DDX60: variants seen among roughly 807,000 people sequenced by gnomAD.
The protein encoded by DDX60 is DExD/H-box helicase 60, also known as probable ATP-dependent RNA helicase DDX60.
A neutral mutation model predicts 212.8 loss-of-function variants in DDX60; 165 were observed. The ratio of observed to expected loss-of-function variants is 0.78; its 90% CI spans 0.68 to 0.88. DDX60 has a LOEUF of 0.88. Among genes scored for constraint, DDX60 ranks in the 40% least tolerant of loss-of-function variants. The pLI is 0.00. For synonymous variants in DDX60, 703 were observed against 685.3 expected, an observed-to-expected ratio of 1.03 and a Z score of -0.40; for missense variants, 1,905 against 2,003.9, an observed-to-expected ratio of 0.95 and a Z score of 0.94.
intron 6 of DDX60, among the ~76,000 whole-genome samples, chr4:168,301,013 T>C (rs1357232499): frequency 1.3e-5 from 2 of 152,072 alleles, no homozygotes. Context: ...GGGTGATGGG[T>C]ACACTAGAAA....
intron 33 of DDX60, among the ~76,000 whole-genome samples, chr4:168,226,481 C>G (rs1035375007): frequency 2.0e-5 from 3 of 151,930 alleles, no homozygotes; most frequent in African/African-American, 7.2e-5. Flanking sequence ...CAAAAAGCAG[C>G]CCCCACCAGA....
At chr4:168,246,723 T>C (rs1734036530) in intron 29 of DDX60, 105 bp from the exon 30 acceptor site, 5 of 1,195,068 alleles carry the variant, frequency 4.2e-6, no homozygotes, top group Non-Finnish European at 6.0e-6. Context: ...AAATTGTGCA[T>C]ATGTCTAACC....
chr4:168,236,500 G>T, intron 32 of DDX60, 127 bp from the exon 33 acceptor site: 1 of 790,132 alleles, frequency 1.3e-6, no homozygotes, highest in Non-Finnish European at 1.9e-6. Flanking sequence ...CATAGCAATT[G>T]AAGAATTACC....
Position 168,308,107 on chromosome 4 carries a change from A to C in DDX60, c.163T>G (p.Ser55Ala). ...TGGAGGTTCTGCCCAGGCTTAAATG[A>C]TATCTCACAGATACATGTGATAAGT... ...SLLITCICEI[S>A]FKPGQNLHFF... Residue 55 changes from serine to alanine, a missense_variant, in exon 4 of 38, where the codon TCA becomes GCA. By Grantham distance (99) the Ser-to-Ala change is moderately conservative. Transcript: ENST00000393743. 2 of 1,610,668 alleles carry C rather than the reference A, an allele frequency of 1.2e-6. No individual in the cohort carries two copies. The highest frequency in any genetic ancestry group is 1.7e-6 in the Non-Finnish European group (2 of 1,177,942).
intron 14 of DDX60, among the ~76,000 whole-genome samples, chr4:168,276,440 A>C (rs1735345639): frequency 6.6e-6 from 1 of 152,234 alleles, no homozygotes; most frequent in Non-Finnish European, 1.5e-5. Context: ...AAAAAGCTCA[A>C]GTTTGTAAAA....
chr4:168,246,670 C>T (rs773317597), intron 29 of DDX60, 52 bp from the exon 30 acceptor site: 9 of 1,578,774 alleles, frequency 5.7e-6, no homozygotes, highest in Middle Eastern at 1.7e-4. Context: ...GCTTCTACTG[C>T]CATAGTGTAA....
chr4:168,235,524 G>T (rs1456922762), intron 33 of DDX60, among the ~76,000 whole-genome samples: 2 of 152,090 alleles, frequency 1.3e-5, no homozygotes, highest in Non-Finnish European at 1.5e-5. Flanking sequence ...GACTAAAATT[G>T]TGTTCACTGC....
Position 168,255,644 on chromosome 4 carries a change from G to A in DDX60, c.3557+67C>T, listed in dbSNP as rs577933381. The A allele has an allele frequency of 1.1e-5, 15 of 1,329,142 alleles. No individual in the cohort carries two copies. In the South Asian group the frequency reaches 1.3e-4, roughly 11 times the overall value. 82.3% of individuals were successfully genotyped at this position (1,329,142 alleles called of 1,614,324 possible). A position where few individuals can be genotyped will look rare whatever the true frequency, so the allele number is the denominator to read the frequency against. On this transcript the variant is annotated intron_variant, in intron 26 of 37. Transcript: ENST00000393743. ...TATTTATAGAACATATTCAATTTAC[G>A]TTTCCTACTAGGACTTGGGGAGTAT...
chr4:168,307,697 A>G (rs636593), intron 4 of DDX60, among the ~76,000 whole-genome samples: 58,036 of 151,970 alleles, frequency 0.38, 12,293 homozygotes, highest in African/African-American at 0.57. Flanking sequence ...GAAAACAGAA[A>G]TAGTTCTCAG....
chr4:168,252,896 C>T (rs1052201620), intron 26 of DDX60, among the ~76,000 whole-genome samples: 2 of 152,042 alleles, frequency 1.3e-5, no homozygotes, highest in African/African-American at 4.8e-5. Flanking sequence ...CCTCCACTTC[C>T]TGGGTTCAAG....
At chr4:168,230,911 T>C (rs1180980647) in intron 33 of DDX60, among the ~76,000 whole-genome samples, 2 of 151,504 alleles carry the variant, frequency 1.3e-5, no homozygotes, top group African/African-American at 4.8e-5. Flanking sequence ...TAAAAGCTGG[T>C]TCTTTGAAAA....
At chr4:168,273,044 T>C (rs1470746785) in intron 18 of DDX60, among the ~76,000 whole-genome samples, 1 of 152,174 alleles carries the variant, frequency 6.6e-6, no homozygotes, top group Non-Finnish European at 1.5e-5. Context: ...GACAATGCAA[T>C]AAAATATTAA....
At chr4:168,237,618 A>G in intron 31 of DDX60, 73 bp downstream of exon 31, 1 of 1,363,784 alleles carries the variant, frequency 7.3e-7, no homozygotes, top group Non-Finnish European at 1.0e-6. Context: ...AAAAGCTACA[A>G]TTTGTTCAGC....
chr4:168,229,559 G>T (rs936862567), intron 33 of DDX60, among the ~76,000 whole-genome samples: 1 of 152,038 alleles, frequency 6.6e-6, no homozygotes, highest in Non-Finnish European at 1.5e-5. Context: ...GCTGCAGCAA[G>T]TGGGGAGGTG....
intron 6 of DDX60, among the ~76,000 whole-genome samples, chr4:168,296,002 G>A (rs1736325127): frequency 6.6e-6 from 1 of 152,146 alleles, no homozygotes; most frequent in Non-Finnish European, 1.5e-5. Context: ...TTCAGAGGGT[G>A]AGGGGAGAAA....
At chr4:168,275,015 C>G (rs565342310) in intron 16 of DDX60, among the ~76,000 whole-genome samples, 4 of 152,092 alleles carry the variant, frequency 2.6e-5, no homozygotes, top group Non-Finnish European at 5.9e-5. Context: ...TTTCTCTATG[C>G]ACTTTATATA....
chr4:168,304,625 C>T (rs907093162), intron 5 of DDX60, among the ~76,000 whole-genome samples: 1 of 151,994 alleles, frequency 6.6e-6, no homozygotes, highest in African/African-American at 2.4e-5. Flanking sequence ...CACTTGAGCC[C>T]GAGACGTGGA....
chr4:168,231,562 A>G (rs1041296835), intron 33 of DDX60, among the ~76,000 whole-genome samples: 6 of 152,096 alleles, frequency 3.9e-5, no homozygotes, highest in African/African-American at 1.4e-4. Flanking sequence ...GGTTTATCAT[A>G]TGCAAGTGAA....
At chr4:168,265,843 AAGGGAAGGG>A (rs1468993708) in intron 22 of DDX60, among the ~76,000 whole-genome samples, 6 of 15,440 alleles carry the variant, frequency 3.9e-4, no homozygotes, top group African/African-American at 1.9e-3. Context: ...GAAGGAAGGG[AAGGGAAGGG>A]AAGGGAAGGG....
Sources: gnomAD v4.1 joint callset for allele counts (sites outside exome capture counted in the v4.1 genomes callset) on GRCh38, gnomAD v4.1.1 for gene constraint, MANE v1.5 for transcripts, NCBI Gene and HGNC (gene_info 2026-07-23, HGNC 2026-07-21) for gene names.